Variants in ARSG observed in about 807,000 individuals in gnomAD.
ARSG encodes the protein ASG.
In ARSG, 37 loss-of-function variants were observed where a neutral mutation model predicts 50.5. That is an observed-to-expected ratio of 0.73 (90% CI 0.56 to 0.96). The LOEUF (loss-of-function observed/expected upper bound fraction) is 0.96. Ranked by LOEUF, ARSG falls within the 50% of genes least tolerant of loss-of-function variation. The probability of loss-of-function intolerance (pLI) is 0.00; values close to 1 mark genes in which losing one functional copy is unlikely to be tolerated. For missense variants in ARSG, 629 were observed against 675.3 expected (o/e 0.93, Z 0.76); for synonymous variants, 225 against 254.6 (o/e 0.88, Z 1.11).
At chr17:68,334,801 A>C (rs1288215511) in intron 2 of ARSG, among the ~76,000 whole-genome samples, 1 of 152,096 alleles carries the variant, frequency 6.6e-6, no homozygotes, top group Non-Finnish European at 1.5e-5. Context: ...ATGGCGGCTC[A>C]CAGAGTGTTT....
chr17:68,271,326 T>G lies in ARSG; in HGVS notation c.-552+11900T>G, dbSNP rs782098460. 6.2e-7 allele frequency: 1 copy of G among 1,614,262 alleles called. No homozygotes were observed. Among genetic ancestry groups the G allele is most frequent in the Non-Finnish European group, 8.5e-7 (1 of 1,180,046 alleles). ...AGAAGTCTAATAGCGGGGCTTTCTT[T>G]TCGCTTGGCCTGGGGCTGGTCTTCA... On this transcript the variant is annotated intron_variant, in intron 1 of 11. Transcript: ENST00000448504. The surrounding 1 kb of genome is among the most constrained non-coding windows in gnomAD (Gnocchi z 5.3).
At chr17:68,432,192 CA>C in the ARSG span, among the ~76,000 whole-genome samples, 32 of 152,194 alleles carry the variant, frequency 2.1e-4, no homozygotes, top group African/African-American at 7.7e-4. Context: ...GAGCCGCCCC[CA>C]GTGTTTCATA....
chr17:68,270,711 C>A (rs2075310980), intron 1 of ARSG: 1 of 792,434 alleles, frequency 1.3e-6, no homozygotes, highest in Admixed American at 2.9e-5. Flanking sequence ...AATCTCTAAT[C>A]CCTGGCAGCT....
chr17:68,306,109 T>C (rs111911392), intron 1 of ARSG, among the ~76,000 whole-genome samples: 2,043 of 152,172 alleles, frequency 0.013, 46 homozygotes, highest in African/African-American at 0.047. Context: ...TTCAAGCGAT[T>C]CTCTTGCCTC....
intron 4 of ARSG, among the ~76,000 whole-genome samples, chr17:68,349,352 G>T (rs1325933416): frequency 1.3e-5 from 2 of 152,164 alleles, no homozygotes; most frequent in Admixed American, 1.3e-4. Context: ...TGTACATATT[G>T]TCTGTGGGTG....
chr17:68,337,806 G>A (rs1599776397), intron 2 of ARSG, among the ~76,000 whole-genome samples: 1 of 151,908 alleles, frequency 6.6e-6, no homozygotes. Context: ...TAGTAGAGAC[G>A]GGGTTTCTCC....
chr17:68,325,666 C>T lies in ARSG; in HGVS notation c.219-17938C>T, dbSNP rs77615156. ...ACAGGTGGGGCTCTTGAACTAAGCC[C>T]CTGAGAGCCTCCATTTTTTCCTCTG... On this transcript the variant is annotated intron_variant, in intron 2 of 11. Coordinates refer to ENST00000621439, the MANE Select transcript of ARSG (RefSeq NM_001267727.2). Among the ~76,000 whole-genome samples, 8 of 152,182 alleles carry T rather than the reference C, an allele frequency of 5.3e-5. No individual in the cohort carries two copies. In the East Asian group the frequency reaches 1.5e-3, roughly 29 times the overall value.
At chr17:68,395,300 G>C (rs2081191985) in intron 10 of ARSG, 107 bp downstream of exon 10, 1 of 1,520,664 alleles carries the variant, frequency 6.6e-7, no homozygotes, top group African/African-American at 1.4e-5. Context: ...TCAAGAACAG[G>C]CTGCAGGTCG....
chr17:68,383,201 A>T (rs2080523050), intron 8 of ARSG, among the ~76,000 whole-genome samples: 1 of 152,252 alleles, frequency 6.6e-6, no homozygotes, highest in South Asian at 2.1e-4. Context: ...AGAATCCCTA[A>T]TTCTTGAAGG....
chr17:68,434,567 T>C, the ARSG span: 1 of 1,613,936 alleles, frequency 6.2e-7, no homozygotes, highest in East Asian at 2.2e-5. Context: ...TTTTCATCCC[T>C]CTCCGGAACT....
chr17:68,420,384 G>A lies in ARSG; in HGVS notation c.1499G>A (p.Ser500Asn). Reference protein sequence around the residue: ...LQDIANDNISSADYTQDPSVT... With the variant: ...LQDIANDNISNADYTQDPSVT... ...GACATTGCCAACGACAACATCTCCAGCGCAGATTACACTCAGGACCCTTCA... is the reference window on the plus strand; with the variant it reads ...GACATTGCCAACGACAACATCTCCAACGCAGATTACACTCAGGACCCTTCA... Residue 500 changes from serine to asparagine, a missense_variant, in exon 12 of 12, where the codon AGC becomes AAC. Ser to Asn is a conservative substitution (Grantham distance 46, BLOSUM62 1). Coordinates refer to ENST00000621439, the MANE Select transcript of ARSG (RefSeq NM_001267727.2). 6.2e-7 allele frequency: 1 copy of A among 1,614,156 alleles called. No homozygotes were observed. Among genetic ancestry groups the A allele is most frequent in the Non-Finnish European group, 8.5e-7 (1 of 1,180,042 alleles).
intron 9 of ARSG, among the ~76,000 whole-genome samples, chr17:68,387,870 C>T (rs1480378780): frequency 2.0e-5 from 3 of 152,006 alleles, no homozygotes; most frequent in African/African-American, 7.3e-5. Context: ...AATATGAATA[C>T]AGAAAAGTGA....
intron 2 of ARSG, among the ~76,000 whole-genome samples, chr17:68,329,083 C>T (rs1187508928): frequency 3.3e-5 from 5 of 152,148 alleles, no homozygotes; most frequent in South Asian, 2.1e-4. Context: ...AGTGCTGCTG[C>T]GGGTGTAGCC....
intron 1 of ARSG, among the ~76,000 whole-genome samples, chr17:68,261,483 G>A (rs544408667): frequency 6.2e-4 from 95 of 152,188 alleles, no homozygotes; most frequent in Non-Finnish European, 1.1e-3. Context: ...GGGCTCAAGT[G>A]GTCCTCCCGC....
chr17:68,283,929 C>T (rs1180768505), intron 1 of ARSG, among the ~76,000 whole-genome samples: 2 of 148,244 alleles, frequency 1.3e-5, no homozygotes, highest in Non-Finnish European at 3.0e-5. Context: ...AAAACACTGT[C>T]TCTACTAAAA....
At chr17:68,272,866 A>C in intron 1 of ARSG, 2 of 1,469,582 alleles carry the variant, frequency 1.4e-6, no homozygotes, top group Non-Finnish European at 1.9e-6. Flanking sequence ...TGCTTTTTGA[A>C]TCTTAAGTTC....
intron 8 of ARSG, among the ~76,000 whole-genome samples, chr17:68,377,336 G>A (rs1422156854): frequency 1.3e-5 from 2 of 152,170 alleles, no homozygotes; most frequent in African/African-American, 2.4e-5. Flanking sequence ...TGTTATACTC[G>A]ACTCCTCAGC....
chr17:68,297,801 C>T (rs1555758909), intron 1 of ARSG, among the ~76,000 whole-genome samples: 2 of 152,082 alleles, frequency 1.3e-5, no homozygotes, highest in Non-Finnish European at 2.9e-5. Flanking sequence ...AACGCTTTGG[C>T]TTGCATAGCA....
At chr17:68,426,112 C>A (rs1243828704), downstream of ARSG, 54 of 1,612,666 alleles carry the variant, frequency 3.3e-5, no homozygotes, top group Non-Finnish European at 4.5e-5. Flanking sequence ...ACACACTGGT[C>A]CCGTCGCAAA....
Sources: gnomAD v4.1 joint callset for allele counts (sites outside exome capture counted in the v4.1 genomes callset) on GRCh38, gnomAD v4.1.1 for gene constraint, Gnocchi (gnomAD v3.1) non-coding constraint, MANE v1.5 for transcripts, NCBI Gene and HGNC (gene_info 2026-07-23, HGNC 2026-07-21) for gene names.